CADM1: variants seen among roughly 807,000 people sequenced by gnomAD.
CADM1 encodes TSLC-1.
A neutral mutation model predicts 53.1 loss-of-function variants in CADM1; 15 were observed. The ratio of observed to expected loss-of-function variants is 0.28; its 90% CI spans 0.19 to 0.44. The LOEUF is 0.44. Among genes scored for constraint, CADM1 ranks in the 20% least tolerant of loss-of-function variants. The pLI, the probability that CADM1 is intolerant of heterozygous loss-of-function variation, is 1.00. For missense variants in CADM1, 434 were observed against 611.3 expected (o/e 0.71, Z 3.06); for synonymous variants, 281 against 243.0 (o/e 1.16, Z -1.45).
intron 1 of CADM1, among the ~76,000 whole-genome samples, chr11:115,325,908 T>C (rs555648711): frequency 5.3e-5 from 8 of 152,218 alleles, no homozygotes; most frequent in Non-Finnish European, 1.0e-4. Context: ...CTGCTCATAA[T>C]TGTATTTCTA....
chr11:115,260,507 C>T (rs1591650626), intron 1 of CADM1, among the ~76,000 whole-genome samples: 3 of 152,140 alleles, frequency 2.0e-5, no homozygotes, highest in Admixed American at 6.5e-5. Context: ...CGAGGCCTGG[C>T]CAGTTTTCAG....
intron 1 of CADM1, among the ~76,000 whole-genome samples, chr11:115,300,663 T>G (rs986836627): frequency 6.6e-6 from 1 of 152,088 alleles, no homozygotes; most frequent in African/African-American, 2.4e-5. Flanking sequence ...CAATGTACCT[T>G]AACAGCCTAT....
At chr11:115,399,881 T>C (rs1226443002) in intron 1 of CADM1, among the ~76,000 whole-genome samples, 5 of 152,316 alleles carry the variant, frequency 3.3e-5, no homozygotes, top group African/African-American at 1.2e-4. Flanking sequence ...CTGACCTATA[T>C]GATGAACATG....
At chr11:115,408,044 C>A (rs1947363213) in intron 1 of CADM1, among the ~76,000 whole-genome samples, 1 of 151,768 alleles carries the variant, frequency 6.6e-6, no homozygotes, top group African/African-American at 2.4e-5. Flanking sequence ...TAGTAATTTG[C>A]CTGTAGGCTC....
intron 1 of CADM1, among the ~76,000 whole-genome samples, chr11:115,345,513 G>A (rs1230746098): frequency 6.6e-6 from 1 of 152,108 alleles, no homozygotes; most frequent in Non-Finnish European, 1.5e-5. Context: ...TCAGCCCATT[G>A]CCCTCCAGCT....
In CADM1 at chr11:115,175,092, G is replaced by A; in HGVS notation, c.*1382C>T. ...AGAGGCCAAGGCTAGTGTATGAAAG[G>A]TAAAAAGATAAAAACACTCACATTT... On this transcript the variant is annotated 3_prime_UTR_variant, in exon 12 of 12. Transcript: ENST00000331581. 1.0e-6 allele frequency: 1 copy of A among 985,794 alleles called. No individual in the cohort carries two copies. Among genetic ancestry groups the A allele is most frequent in the South Asian group, 4.7e-5 (1 of 21,278 alleles). The allele number at this position is 985,794 out of a possible 1,614,324, so 61.1% of individuals were successfully genotyped here. A position where few individuals can be genotyped will look rare whatever the true frequency, so the allele number is the denominator to read the frequency against.
At chr11:115,210,034 AAGG>A (rs999332481) in intron 7 of CADM1, among the ~76,000 whole-genome samples, 9 of 152,164 alleles carry the variant, frequency 5.9e-5, no homozygotes, top group East Asian at 1.9e-4. Flanking sequence ...AGATGGCAGG[AAGG>A]AGGAGGAGGA....
chr11:115,454,529 T>C (rs968418863), intron 1 of CADM1, among the ~76,000 whole-genome samples: 1 of 152,246 alleles, frequency 6.6e-6, no homozygotes, highest in Non-Finnish European at 1.5e-5. Flanking sequence ...GTTCATCCTC[T>C]TAAAAGCTGG....
At chr11:115,263,704 T>C (rs1943043365) in intron 1 of CADM1, among the ~76,000 whole-genome samples, 1 of 152,194 alleles carries the variant, frequency 6.6e-6, no homozygotes. Flanking sequence ...GCGAGTTCTT[T>C]CTGTTATATC....
At chr11:115,302,175 G>A (rs1944243212) in intron 1 of CADM1, among the ~76,000 whole-genome samples, 3 of 151,978 alleles carry the variant, frequency 2.0e-5, no homozygotes, top group Admixed American at 1.3e-4. Context: ...GAAGGAGGGA[G>A]CGTATCAGGA....
intron 1 of CADM1, among the ~76,000 whole-genome samples, chr11:115,363,215 G>A (rs1461790624): frequency 6.6e-6 from 1 of 152,170 alleles, no homozygotes; most frequent in Non-Finnish European, 1.5e-5. Flanking sequence ...GGCATAGCTA[G>A]TGCCAAAATA....
intron 1 of CADM1, among the ~76,000 whole-genome samples, chr11:115,370,852 A>T (rs947989872): frequency 6.6e-6 from 1 of 152,220 alleles, no homozygotes; most frequent in Admixed American, 6.5e-5. Flanking sequence ...ACTGCAACTC[A>T]GCTATTAAAG....
At chr11:115,498,563 T>A (rs1206208034) in intron 1 of CADM1, among the ~76,000 whole-genome samples, 1 of 152,248 alleles carries the variant, frequency 6.6e-6, no homozygotes, top group East Asian at 1.9e-4. Flanking sequence ...CAACTGTATT[T>A]GCACAACAAT....
chr11:115,317,736 A>G (rs1944706470), intron 1 of CADM1, among the ~76,000 whole-genome samples: 1 of 152,216 alleles, frequency 6.6e-6, no homozygotes, highest in Admixed American at 6.5e-5. Flanking sequence ...AGTGCCCTGC[A>G]GTCATTATTC....
At chr11:115,232,612 TACTG>T (rs1349939460) in intron 3 of CADM1, among the ~76,000 whole-genome samples, 6 of 152,214 alleles carry the variant, frequency 3.9e-5, no homozygotes, top group South Asian at 2.1e-4. Flanking sequence ...GAAGTTAAAG[TACTG>T]ACTATCAAAT....
intron 1 of CADM1, among the ~76,000 whole-genome samples, chr11:115,300,323 T>C (rs1944186447): frequency 6.6e-6 from 1 of 152,156 alleles, no homozygotes; most frequent in African/African-American, 2.4e-5. Context: ...AACTCTTTTC[T>C]TGGCTTTTAG....
chr11:115,419,584 G>C (rs893407036), intron 1 of CADM1, among the ~76,000 whole-genome samples: 1 of 152,100 alleles, frequency 6.6e-6, no homozygotes, highest in Non-Finnish European at 1.5e-5. Flanking sequence ...TGAAAGCTCT[G>C]TTTTCAGGTT....
chr11:115,356,895 T>A (rs1945887550), intron 1 of CADM1, among the ~76,000 whole-genome samples: 1 of 152,212 alleles, frequency 6.6e-6, no homozygotes, highest in Non-Finnish European at 1.5e-5. Flanking sequence ...TTCTTTGTAT[T>A]CTACAATTCT....
At chr11:115,439,703 T>A (rs948127893) in intron 1 of CADM1, among the ~76,000 whole-genome samples, 1 of 152,208 alleles carries the variant, frequency 6.6e-6, no homozygotes, top group Non-Finnish European at 1.5e-5. Context: ...TCGACTTTAG[T>A]GACAAAGCAC....
Sources: gnomAD v4.1 joint callset for allele counts (sites outside exome capture counted in the v4.1 genomes callset) on GRCh38, gnomAD v4.1.1 for gene constraint, MANE v1.5 for transcripts, NCBI Gene and HGNC (gene_info 2026-07-23, HGNC 2026-07-21) for gene names.